Variants in ZYG11B observed in about 807,000 individuals in gnomAD.
The protein encoded by ZYG11B is protein zyg-11 homolog B.
Under a neutral mutation model 82.4 loss-of-function variants are expected in ZYG11B, and 36 were observed. The ratio of observed to expected loss-of-function variants is 0.44; its 90% confidence interval spans 0.33 to 0.58. ZYG11B has a LOEUF of 0.58. ZYG11B is among the 20% of genes least tolerant of loss of function. The pLI is 0.02. For missense variants in ZYG11B, 552 were observed against 895.6 expected (o/e 0.62, Z 4.90); for synonymous variants, 303 against 312.8 (o/e 0.97, Z 0.33).
chr1:52,731,225 C>T (rs1444762608), intron 1 of ZYG11B, among the ~76,000 whole-genome samples: 6 of 145,614 alleles, frequency 4.1e-5, no homozygotes, highest in East Asian at 4.3e-4. Context: ...GTGTGAGCTG[C>T]GATTGTGCCA....
chr1:52,801,731 A>G (rs1645077210), intron 8 of ZYG11B, 88 bp from the exon 9 acceptor site: 3 of 1,095,768 alleles, frequency 2.7e-6, no homozygotes, highest in South Asian at 3.4e-5. Flanking sequence ...CCATGAGACT[A>G]ATCCTCATGG....
intron 4 of ZYG11B, among the ~76,000 whole-genome samples, chr1:52,782,856 A>G (rs1644868077): frequency 1.3e-5 from 2 of 151,832 alleles, no homozygotes; most frequent in African/African-American, 4.8e-5. Flanking sequence ...CCTGACCTCA[A>G]GTGATCCTCC....
In ZYG11B at chr1:52,802,510, C is replaced by T. The variant is rs143742484; in HGVS notation, c.1695+371C>T. Among the ~76,000 whole-genome samples the T allele has an allele frequency of 5.9e-5, 9 of 151,698 alleles. 1 individual carries two copies. The East Asian group carries it at 1.8e-3, about 30-fold the overall frequency. ...GGACTATAGGTGTGCACCACAATGC[C>T]CAGCTAATTTTTGTATTTTTTGTAG... On this transcript the variant is annotated intron_variant, in intron 10 of 13. Coordinates refer to ENST00000294353, the MANE Select transcript of ZYG11B (RefSeq NM_024646.3).
intron 2 of ZYG11B, among the ~76,000 whole-genome samples, chr1:52,768,868 ATAGG>A (rs1256634373): frequency 6.6e-6 from 1 of 152,178 alleles, no homozygotes; most frequent in East Asian, 1.9e-4. Context: ...TGCTGGCATT[ATAGG>A]CATGAGCCAC....
chr1:52,743,289 A>G (rs1343443298), intron 1 of ZYG11B, among the ~76,000 whole-genome samples: 1 of 151,402 alleles, frequency 6.6e-6, no homozygotes, highest in African/African-American at 2.4e-5. Context: ...TCTGCCTAGG[A>G]AAACCAGAGA....
chr1:52,808,296 G>A (rs1042699612), intron 10 of ZYG11B, among the ~76,000 whole-genome samples: 6 of 152,026 alleles, frequency 3.9e-5, no homozygotes, highest in African/African-American at 9.7e-5. Flanking sequence ...CCCAGGAGAC[G>A]GAGGTTGCAG....
intron 2 of ZYG11B, among the ~76,000 whole-genome samples, chr1:52,762,407 C>T (rs956867768): frequency 6.6e-6 from 1 of 151,926 alleles, no homozygotes; most frequent in Non-Finnish European, 1.5e-5. Context: ...CAGGGCCTTA[C>T]CATGGTTCCC....
At chr1:52,772,724 C>T (rs1265562164) in intron 3 of ZYG11B, 2 of 669,706 alleles carry the variant, frequency 3.0e-6, no homozygotes, top group East Asian at 2.7e-5. Flanking sequence ...GTCGCCCAGG[C>T]TGGAGTGCAG....
rs1243219128 is a variant in ZYG11B, at chr1:52,816,551, C to T, written c.1966C>T (p.Pro656Ser). Residue 656 changes from proline to serine, a missense_variant, in exon 13 of 14, where the codon CCA becomes TCA. Coordinates refer to ENST00000294353, the MANE Select transcript of ZYG11B (RefSeq NM_024646.3). The stretch of plus-strand genomic sequence containing the variant: ...CTTTAGGTCCTTTAATCCATTTTTC[C>T]CATTACTTGGCTGTTTCACAACACC... ...VAYRSFNPFF[P>S]LLGCFTTPGV... 1.9e-6 allele frequency: 3 copies of T among 1,610,714 alleles called. No homozygotes were observed. The highest frequency in any genetic ancestry group is 1.1e-5 in the South Asian group (1 of 90,190).
chr1:52,803,195 TATATATATACACACAC>T lies in ZYG11B; in HGVS notation c.1695+1066_1695+1081del, dbSNP rs1558140389. ...ACACATATATATATATATACACATA[TATATATATACACACAC>T]ATATATATATATACACACATATATA... On this transcript the variant is annotated intron_variant, in intron 10 of 13. Transcript: ENST00000294353. Among the ~76,000 whole-genome samples the T allele has an allele frequency of 5.3e-3, 438 of 82,376 alleles. 38 individuals carry two copies. Among genetic ancestry groups the T allele is most frequent in the African/African-American group, 0.036 (358 of 9,872 alleles). The allele number at this position is 82,376 out of a possible 152,430, so 54.0% of individuals were successfully genotyped here.
At chr1:52,789,955 A>C (rs1212145087) in intron 5 of ZYG11B, 48 bp from the exon 6 acceptor site, 16 of 1,406,672 alleles carry the variant, frequency 1.1e-5, no homozygotes, top group Non-Finnish European at 1.6e-5. Flanking sequence ...TTAAAATATA[A>C]CAAAGTGATA....
At chr1:52,728,147 C>T (rs1644300536) in intron 1 of ZYG11B, among the ~76,000 whole-genome samples, 1 of 152,134 alleles carries the variant, frequency 6.6e-6, no homozygotes, top group Non-Finnish European at 1.5e-5. Flanking sequence ...TTCCAAGTGC[C>T]CAGGCCAGCT....
chr1:52,770,611 G>T (rs951289238), intron 2 of ZYG11B, among the ~76,000 whole-genome samples: 1 of 152,088 alleles, frequency 6.6e-6, no homozygotes, highest in East Asian at 1.9e-4. Context: ...AAGTCTCCTC[G>T]TTTGTCATAG....
chr1:52,785,353 C>A (rs1644904564), intron 5 of ZYG11B, among the ~76,000 whole-genome samples: 1 of 152,220 alleles, frequency 6.6e-6, no homozygotes, highest in African/African-American at 2.4e-5. Flanking sequence ...TAGGCACTAT[C>A]AAATGCTGGG....
At chr1:52,797,571 C>T (rs1490661627) in intron 8 of ZYG11B, among the ~76,000 whole-genome samples, 2 of 130,918 alleles carry the variant, frequency 1.5e-5, no homozygotes, top group Non-Finnish European at 1.6e-5. Flanking sequence ...TGCAGTGGTA[C>T]GATCTCGGCT....
At chr1:52,802,876 T>C (rs1645088876) in intron 10 of ZYG11B, among the ~76,000 whole-genome samples, 2 of 150,992 alleles carry the variant, frequency 1.3e-5, no homozygotes, top group Non-Finnish European at 3.0e-5. Flanking sequence ...AAAAATTAGC[T>C]GGGTGCGGTG....
chr1:52,773,939 G>A (rs532109830), intron 3 of ZYG11B, among the ~76,000 whole-genome samples: 3 of 151,614 alleles, frequency 2.0e-5, no homozygotes, highest in South Asian at 2.1e-4. Context: ...CACCACCCTC[G>A]GCCTGGTTTC....
chr1:52,803,107 TATATATATATACACACATATATATATAC>T lies in ZYG11B; in HGVS notation c.1695+970_1695+997del, dbSNP rs1558140047. Among the ~76,000 whole-genome samples the T allele has an allele frequency of 2.4e-3, 218 of 89,912 alleles. 12 individuals carry two copies. The highest frequency in any genetic ancestry group is 8.9e-3 in the Admixed American group (64 of 7,214). 59.0% of individuals were successfully genotyped at this position (89,912 alleles called of 152,430 possible). A position where few individuals can be genotyped will look rare whatever the true frequency, so the allele number is the denominator to read the frequency against. ...ATACACATATATATATACATATATA[TATATATATATACACACATATATATATAC>T]ACACATATATATATATATACACATA... On this transcript the variant is annotated intron_variant, in intron 10 of 13. Coordinates refer to ENST00000294353, the MANE Select transcript of ZYG11B (RefSeq NM_024646.3).
At chr1:52,765,425 T>C (rs1349663035) in intron 2 of ZYG11B, among the ~76,000 whole-genome samples, 3 of 152,084 alleles carry the variant, frequency 2.0e-5, no homozygotes, top group Non-Finnish European at 4.4e-5. Flanking sequence ...AGGCTGGTCT[T>C]GAACCCCTGG....
Sources: allele counts gnomAD v4.1 joint callset (sites outside exome capture counted in the v4.1 genomes callset), GRCh38; gene constraint gnomAD v4.1.1; transcripts MANE v1.5; gene names NCBI Gene and HGNC (gene_info 2026-07-23, HGNC 2026-07-21).